Variants in GSDMD observed in about 807,000 individuals in gnomAD.
GSDMD encodes the protein gasdermin D, also known as gasdermin-D.
A neutral mutation model predicts 46.7 loss-of-function variants in GSDMD; 46 were observed. That is an observed-to-expected ratio of 0.99 (90% CI 0.78 to 1.26). The LOEUF (loss-of-function observed/expected upper bound fraction) is 1.26, where lower values mean the gene tolerates loss of function less well. Ranked by LOEUF, GSDMD falls within the 50% of genes most tolerant of loss-of-function variation. GSDMD has a pLI of 0.00. For synonymous variants in GSDMD, 307 were observed against 283.1 expected, an observed-to-expected ratio of 1.08 and a Z score of -0.85; for missense variants, 649 against 638.8, an observed-to-expected ratio of 1.02 and a Z score of -0.17.
chr8:143,559,303 A>ACCC, intron 1 of GSDMD, 29 bp from the exon 2 acceptor site: 1 of 517,648 alleles, frequency 1.9e-6, no homozygotes, highest in Non-Finnish European at 3.6e-6. Flanking sequence ...CCCCGAGAGC[A>ACCC]CAATGCCTGA....
In GSDMD at chr8:143,558,391, G is replaced by T. The variant is rs1254108577; in HGVS notation, c.-65G>T. On this transcript the variant is annotated 5_prime_UTR_variant, in exon 1 of 11. Coordinates refer to ENST00000262580, the MANE Select transcript of GSDMD (RefSeq NM_024736.7). ...GGGCACCTCCAGCTCCTGCTCGCCGGACGGCTCCCAGGGAGAGCAGACGCG... is the reference window on the plus strand; with the variant it reads ...GGGCACCTCCAGCTCCTGCTCGCCGTACGGCTCCCAGGGAGAGCAGACGCG... 3 of 1,518,980 alleles carry T rather than the reference G, an allele frequency of 2.0e-6. No individual in the cohort carries two copies. Among genetic ancestry groups the T allele is most frequent in the Non-Finnish European group, 2.6e-6 (3 of 1,139,968 alleles). 94.1% of individuals were successfully genotyped at this position (1,518,980 alleles called of 1,614,324 possible).
At chr8:143,557,863 C>G (rs540566297), upstream of GSDMD, 2 of 411,320 alleles carry the variant, frequency 4.9e-6, no homozygotes, top group Admixed American at 2.8e-5. Flanking sequence ...GAAGATCTGC[C>G]CAGACCCTTC....
In GSDMD at chr8:143,562,838, G is replaced by A; in HGVS notation, c.1389G>A (p.Gln463=). The change falls in exon 11 of 11, where the codon CAG becomes CAA. Residue 463 remains glutamine (Q), a synonymous_variant. Coordinates refer to ENST00000262580, the MANE Select transcript of GSDMD (RefSeq NM_024736.7). ...TPHVCWEPQA[Q]GRMCALYASL... is the part of the protein sequence containing the mutation. ...ACGTGTGCTGGGAGCCGCAGGCCCA[G>A]GGCCGCATGTGTGCACTCTACGCCT... 1 of 1,611,768 alleles carries A rather than the reference G, an allele frequency of 6.2e-7. No homozygotes were observed. Among genetic ancestry groups the A allele is most frequent in the Non-Finnish European group, 8.5e-7 (1 of 1,179,574 alleles).
upstream of GSDMD, chr8:143,557,964 G>A (rs775825660): frequency 4.9e-5 from 21 of 432,762 alleles, no homozygotes; most frequent in South Asian, 2.5e-4. Context: ...GCATGATCTC[G>A]GCTCACTGCA....
upstream of GSDMD, among the ~76,000 whole-genome samples, chr8:143,554,126 G>A (rs1369573089): frequency 2.0e-5 from 3 of 152,246 alleles, no homozygotes; most frequent in Non-Finnish European, 4.4e-5. Context: ...CGGGAGGAGG[G>A]GAGGAGGGAG....
At chr8:143,558,778 C>G in intron 1 of GSDMD, 1 of 600,490 alleles carries the variant, frequency 1.7e-6, no homozygotes, top group Non-Finnish European at 3.1e-6. Context: ...GGGGCAGCTG[C>G]AGCCCCTCCA....
At chr8:143,560,368 G>A in intron 3 of GSDMD, 2 of 646,014 alleles carry the variant, frequency 3.1e-6, no homozygotes. Flanking sequence ...GTGAACACGG[G>A]GGCCCAGGTG....
At chr8:143,560,557 C>T in intron 3 of GSDMD, 46 bp from the exon 4 acceptor site, 3 of 1,523,856 alleles carry the variant, frequency 2.0e-6, no homozygotes, top group Non-Finnish European at 2.7e-6. Flanking sequence ...GGGAAGACGC[C>T]TTCAGGGGCT....
upstream of GSDMD, among the ~76,000 whole-genome samples, chr8:143,557,102 C>T (rs143528952): frequency 3.4e-3 from 518 of 152,396 alleles, 2 homozygotes; most frequent in South Asian, 0.012. Flanking sequence ...CCGTCCGCTC[C>T]GTGTGCCTGG....
At chr8:143,554,789 TAC>T (rs1351197911), upstream of GSDMD, among the ~76,000 whole-genome samples, 4 of 151,606 alleles carry the variant, frequency 2.6e-5, no homozygotes, top group African/African-American at 9.7e-5. Flanking sequence ...TGCACGTGCA[TAC>T]ACACGCGCAC....
At position 143,562,087 on chromosome 8, in the gene GSDMD, G is replaced by T; in HGVS notation, c.952G>T (p.Gly318Trp). The T allele has an allele frequency of 6.3e-7, 1 of 1,596,758 alleles. No homozygotes were observed. Among genetic ancestry groups the T allele is most frequent in the African/African-American group, 1.3e-5 (1 of 74,960 alleles). Residue 318 changes from glycine (G) to tryptophan (W), a missense_variant, in exon 8 of 11, where the codon GGG becomes TGG. Transcript: ENST00000262580. ...LCQLLLEGLE[G>W]VLRDQLALRA... Reference sequence around the variant, plus strand: ...CCAGCTGCTGCTGGAGGGCCTGGAGGGGGTGCTGCGGGACCAGCTGGCCCT... The same window carrying T: ...CCAGCTGCTGCTGGAGGGCCTGGAGTGGGTGCTGCGGGACCAGCTGGCCCT...
upstream of GSDMD, among the ~76,000 whole-genome samples, chr8:143,557,299 G>C (rs1303954039): frequency 1.3e-5 from 1 of 75,558 alleles, no homozygotes; most frequent in Non-Finnish European, 2.9e-5. Context: ...CTATGGCGAA[G>C]GATGCTGCCG....
upstream of GSDMD, among the ~76,000 whole-genome samples, chr8:143,554,784 G>A (rs544369832): frequency 1.1e-4 from 16 of 152,288 alleles, no homozygotes; most frequent in African/African-American, 3.8e-4. Flanking sequence ...CAACATGCAC[G>A]TGCATACACA....
At chr8:143,559,297 GAGA>G in intron 1 of GSDMD, 32 bp from the exon 2 acceptor site, 1 of 289,494 alleles carries the variant, frequency 3.5e-6, no homozygotes, top group Non-Finnish European at 6.7e-6. Flanking sequence ...CGCCCGCCCC[GAGA>G]GCACAATGCC....
intron 5 of GSDMD, 74 bp from the exon 6 acceptor site, chr8:143,561,296 C>CT: frequency 1.4e-6 from 2 of 1,435,944 alleles, no homozygotes; most frequent in East Asian, 4.9e-5. Flanking sequence ...AGGGGAGCTC[C>CT]TAGTAGGGGA....
upstream of GSDMD, chr8:143,555,855 A>T (rs1823288723): frequency 6.6e-6 from 1 of 152,118 alleles, no homozygotes; most frequent in Admixed American, 6.5e-5. Context: ...GGATCACTTG[A>T]GCTCAGAAGT....
upstream of GSDMD, among the ~76,000 whole-genome samples, chr8:143,557,212 C>T (rs1005300092): frequency 5.3e-5 from 8 of 152,276 alleles, no homozygotes; most frequent in Admixed American, 1.3e-4. Flanking sequence ...CGTTCTACGG[C>T]CTGGATTCCA....
chr8:143,554,907 C>T (rs1823274956), upstream of GSDMD, among the ~76,000 whole-genome samples: 1 of 152,274 alleles, frequency 6.6e-6, no homozygotes, highest in South Asian at 2.1e-4. Flanking sequence ...GAGCTAGAAG[C>T]CCGCCAGGCC....
rs751014671 is a variant in GSDMD, at chr8:143,562,292, C to T, written c.1080C>T (p.Ser360=). Residue 360 remains serine, a synonymous_variant, in exon 9 of 11, where the codon TCC becomes TCT. Transcript: ENST00000262580. Reference sequence around the variant, plus strand: ...TCCTGGAGTGCCTGGTGTTGTCCTCCGGAATGCTGGTGCCGGAACTCGCTA... The same window carrying T: ...TCCTGGAGTGCCTGGTGTTGTCCTCTGGAATGCTGGTGCCGGAACTCGCTA... ...GAVLECLVLS[S]GMLVPELAIP... 37 of 1,544,938 alleles carry T rather than the reference C, an allele frequency of 2.4e-5. No individual in the cohort carries two copies. In the East Asian group the frequency reaches 7.5e-4, roughly 31 times the overall value.
Sources: gnomAD v4.1 joint callset for allele counts (sites outside exome capture counted in the v4.1 genomes callset) on GRCh38, gnomAD v4.1.1 for gene constraint, MANE v1.5 for transcripts, NCBI Gene and HGNC (gene_info 2026-07-23, HGNC 2026-07-21) for gene names.